BBS9: variants seen among roughly 807,000 people sequenced by gnomAD.
The protein encoded by BBS9 is protein PTHB1.
Under a neutral mutation model 117.7 loss-of-function variants are expected in BBS9, and 89 were observed. That is an observed-to-expected ratio of 0.76 (90% CI 0.64 to 0.90). The LOEUF (loss-of-function observed/expected upper bound fraction) is 0.90, where lower values mean the gene tolerates loss of function less well. Ranked by LOEUF, BBS9 falls within the 40% of genes least tolerant of loss-of-function variation. BBS9 has a pLI of 0.00. For missense variants in BBS9, 982 were observed against 1,042.2 expected, an observed-to-expected ratio of 0.94 and a Z score of 0.80; for synonymous variants, 379 against 370.9, an observed-to-expected ratio of 1.02 and a Z score of -0.25.
chr7:33,398,410 A>G (rs1381046892), intron 19 of BBS9, among the ~76,000 whole-genome samples: 1 of 152,202 alleles, frequency 6.6e-6, no homozygotes, highest in Non-Finnish European at 1.5e-5. Flanking sequence ...ACTGAATGGT[A>G]TGCTTGAGTG....
At chr7:33,488,419 G>A (rs551666887) in intron 19 of BBS9, among the ~76,000 whole-genome samples, 22 of 152,252 alleles carry the variant, frequency 1.4e-4, no homozygotes, top group African/African-American at 5.3e-4. Context: ...AAGTTGTTGT[G>A]AATACTTAAT....
intron 21 of BBS9, among the ~76,000 whole-genome samples, chr7:33,623,708 AG>A (rs1364089852): frequency 2.0e-5 from 3 of 152,238 alleles, no homozygotes; most frequent in Non-Finnish European, 4.4e-5. Flanking sequence ...TAAAGCTACA[AG>A]GATTAACATG....
chr7:33,585,896 G>A (rs993434828), intron 21 of BBS9, among the ~76,000 whole-genome samples: 43 of 151,926 alleles, frequency 2.8e-4, no homozygotes, highest in African/African-American at 1.0e-3. Context: ...TCATGACACA[G>A]CAGACCTGGG....
rs557619390 is a variant in BBS9 at position 33,527,272 on chromosome 7, C to G, written c.2299-6682C>G. On this transcript the variant is annotated intron_variant, in intron 20 of 22. Transcript: ENST00000242067. ...AGGCCTCCTTGAGTTGTGTTGGGCT[C>G]CCCCCAGTTCGAGCTTCCTGGCTGC... Among the ~76,000 whole-genome samples the G allele has an allele frequency of 2.8e-3, 427 of 152,272 alleles. 3 individuals are homozygous for G. The highest frequency in any genetic ancestry group is 4.8e-3 in the Non-Finnish European group (324 of 68,016).
Position 33,357,876 on chromosome 7 carries a change from G to A in BBS9, c.1574G>A (p.Cys525Tyr), listed in dbSNP as rs746119144. ...NPDGIPRVIQ[C>Y]KFRLPLKLIC... ...TTAGGCATTCCGCGAGTTATCCAAT[G>A]TAAATTTAGACTTCCCCTAAAGTTA... The change falls in exon 16 of 23, where the codon TGT (cysteine) becomes TAT (tyrosine). Residue 525 changes from cysteine (C) to tyrosine (Y), a missense_variant. Transcript: ENST00000242067. 1.9e-6 allele frequency: 3 copies of A among 1,611,870 alleles called. No homozygotes were observed. Among genetic ancestry groups the A allele is most frequent in the Non-Finnish European group, 2.5e-6 (3 of 1,178,328 alleles).
At chr7:33,627,052 T>C (rs562165890) in intron 21 of BBS9, among the ~76,000 whole-genome samples, 1 of 152,324 alleles carries the variant, frequency 6.6e-6, no homozygotes, top group South Asian at 2.1e-4. Flanking sequence ...TCAGAGAACT[T>C]TGTGGTAGCC....
At chr7:33,465,812 ATAT>A (rs1367329249) in intron 19 of BBS9, among the ~76,000 whole-genome samples, 3 of 152,120 alleles carry the variant, frequency 2.0e-5, no homozygotes, top group Non-Finnish European at 4.4e-5. Context: ...CTATCACTAT[ATAT>A]TATTATTTTC....
chr7:33,131,779 A>C (rs1789655651), intron 1 of BBS9, among the ~76,000 whole-genome samples: 1 of 152,208 alleles, frequency 6.6e-6, no homozygotes, highest in African/African-American at 2.4e-5. Flanking sequence ...TGGCAGAAAA[A>C]ATAAAAATTA....
chr7:33,413,149 C>G (rs1263920350), intron 19 of BBS9, among the ~76,000 whole-genome samples: 1 of 152,124 alleles, frequency 6.6e-6, no homozygotes, highest in East Asian at 1.9e-4. Context: ...AGAGAAAATA[C>G]AGTTTCAATA....
chr7:33,463,324 T>A (rs1179135492), intron 19 of BBS9, among the ~76,000 whole-genome samples: 1 of 152,028 alleles, frequency 6.6e-6, no homozygotes, highest in African/African-American at 2.4e-5. Context: ...AGAAGTGAAA[T>A]AGCAAAGGGA....
At chr7:33,508,318 A>C (rs1846431191) in intron 20 of BBS9, among the ~76,000 whole-genome samples, 1 of 152,190 alleles carries the variant, frequency 6.6e-6, no homozygotes, top group Non-Finnish European at 1.5e-5. Flanking sequence ...AAGTAACAGG[A>C]GTAAGAAAAG....
At chr7:33,471,505 GAAC>G (rs1281411777) in intron 19 of BBS9, among the ~76,000 whole-genome samples, 2 of 152,178 alleles carry the variant, frequency 1.3e-5, no homozygotes, top group Non-Finnish European at 2.9e-5. Flanking sequence ...ACTGCAGGTG[GAAC>G]AACAGTATGA....
At chr7:33,236,232 A>G (rs940591144) in intron 5 of BBS9, among the ~76,000 whole-genome samples, 2 of 150,548 alleles carry the variant, frequency 1.3e-5, no homozygotes, top group Non-Finnish European at 2.9e-5. Flanking sequence ...AGGCTGAGGC[A>G]GGAGAATTGC....
chr7:33,266,452 AT>A (rs1190336639), intron 7 of BBS9, among the ~76,000 whole-genome samples: 8 of 152,268 alleles, frequency 5.3e-5, no homozygotes, highest in African/African-American at 1.9e-4. Context: ...AATTTGTATG[AT>A]TTAAATTCTC....
At chr7:33,594,008 T>G (rs1862330785) in intron 21 of BBS9, among the ~76,000 whole-genome samples, 1 of 152,168 alleles carries the variant, frequency 6.6e-6, no homozygotes, top group Non-Finnish European at 1.5e-5. Flanking sequence ...AAAAGAATAC[T>G]TGGACACCTA....
chr7:33,247,105 CTCA>C (rs989522199), intron 5 of BBS9, among the ~76,000 whole-genome samples: 1 of 151,962 alleles, frequency 6.6e-6, no homozygotes, highest in Non-Finnish European at 1.5e-5. Flanking sequence ...TGCAGTCTTT[CTCA>C]TGTTAAATTT....
chr7:33,222,567 C>CG (rs1427944900), intron 5 of BBS9, among the ~76,000 whole-genome samples: 1 of 152,064 alleles, frequency 6.6e-6, no homozygotes, highest in Non-Finnish European at 1.5e-5. Context: ...AGGTCTCCCC[C>CG]GGTTTCTTCT....
At chr7:33,603,159 T>C (rs1864059709) in intron 21 of BBS9, among the ~76,000 whole-genome samples, 1 of 152,144 alleles carries the variant, frequency 6.6e-6, no homozygotes, top group African/African-American at 2.4e-5. Context: ...CTCCTGAAGT[T>C]GTCTTGTGTG....
At chr7:33,387,414 G>T (rs1216405309) in intron 18 of BBS9, among the ~76,000 whole-genome samples, 1 of 152,126 alleles carries the variant, frequency 6.6e-6, no homozygotes, top group East Asian at 1.9e-4. Flanking sequence ...GCATGACTTT[G>T]TCTCTGTAGT....
Sources: allele counts gnomAD v4.1 joint callset (sites outside exome capture counted in the v4.1 genomes callset), GRCh38; gene constraint gnomAD v4.1.1; transcripts MANE v1.5; gene names NCBI Gene and HGNC (gene_info 2026-07-23, HGNC 2026-07-21).